The following OTUD7A variants were observed in gnomAD, a reference collection of about 807,000 sequenced individuals.
OTUD7A encodes the protein OTU deubiquitinase 7A.
In OTUD7A, 12 loss-of-function variants were observed where a neutral mutation model predicts 65.7. That is an observed-to-expected ratio of 0.18 (90% CI 0.12 to 0.30). The LOEUF (loss-of-function observed/expected upper bound fraction) is 0.30. Among genes scored for constraint, OTUD7A ranks in the 10% least tolerant of loss-of-function variants. The pLI, the probability that OTUD7A is intolerant of heterozygous loss-of-function variation, is 1.00. For missense variants in OTUD7A, 1,148 were observed against 1,304.8 expected (o/e 0.88, Z 1.85); for synonymous variants, 641 against 586.3 (o/e 1.09, Z -1.35).
At chr15:31,842,689 G>A (rs1897212472) in intron 1 of OTUD7A, among the ~76,000 whole-genome samples, 1 of 152,142 alleles carries the variant, frequency 6.6e-6, no homozygotes, top group African/African-American at 2.4e-5. Flanking sequence ...TGACTCACCT[G>A]TGATCTCCTC....
At chr15:31,824,978 C>A (rs1283790464) in intron 1 of OTUD7A, among the ~76,000 whole-genome samples, 3 of 152,156 alleles carry the variant, frequency 2.0e-5, no homozygotes, top group African/African-American at 7.2e-5. Flanking sequence ...GACAATTTGG[C>A]TAAATAGGAA....
intron 2 of OTUD7A, among the ~76,000 whole-genome samples, chr15:31,656,424 C>T (rs1891994668): frequency 6.6e-6 from 1 of 152,208 alleles, no homozygotes; most frequent in Admixed American, 6.5e-5. Context: ...CACTCATTTG[C>T]ATAGCGTCTG....
chr15:31,731,986 T>C (rs1894056972), intron 1 of OTUD7A, among the ~76,000 whole-genome samples: 1 of 152,182 alleles, frequency 6.6e-6, no homozygotes, highest in Non-Finnish European at 1.5e-5. Flanking sequence ...CCTAGTGCTT[T>C]GCGGGGAACA....
rs140667585 is a variant in OTUD7A at position 31,581,850 on chromosome 15, C to G, written c.152-11653G>C. Among the ~76,000 whole-genome samples the G allele has an allele frequency of 2.9e-3, 444 of 152,352 alleles. 3 individuals carry two copies. Among genetic ancestry groups the G allele is most frequent in the Non-Finnish European group, 4.5e-3 (307 of 68,038 alleles). ...GCAATTAAAATGTGATGCCTCATTA[C>G]TTACGGAAATTTCTGCAGCTGGCTT... On this transcript the variant is annotated intron_variant, in intron 3 of 12. Coordinates refer to ENST00000307050, the MANE Select transcript of OTUD7A (RefSeq NM_001382637.1).
At chr15:31,745,052 A>G (rs1338221304) in intron 1 of OTUD7A, among the ~76,000 whole-genome samples, 1 of 152,160 alleles carries the variant, frequency 6.6e-6, no homozygotes, top group South Asian at 2.1e-4. Flanking sequence ...ACATTAAAGA[A>G]GACCTTACAA....
At chr15:31,787,464 T>C (rs1263500222) in intron 1 of OTUD7A, 1 of 152,214 alleles carries the variant, frequency 6.6e-6, no homozygotes, top group East Asian at 1.9e-4. Flanking sequence ...GGAAATTCAG[T>C]GACCTCAAGG....
intron 5 of OTUD7A, among the ~76,000 whole-genome samples, chr15:31,541,396 A>G (rs1031496934): frequency 1.3e-5 from 2 of 152,292 alleles, no homozygotes; most frequent in Non-Finnish European, 2.9e-5. Flanking sequence ...ATGCTTATTT[A>G]TTCCTGATTT....
chr15:31,693,589 C>T (rs1595711763), intron 1 of OTUD7A, among the ~76,000 whole-genome samples: 3 of 152,194 alleles, frequency 2.0e-5, no homozygotes, highest in African/African-American at 7.2e-5. Context: ...ACACCCTTCT[C>T]AAAGCCCCCA....
At position 31,499,743 on chromosome 15, in the gene OTUD7A, C is replaced by T. The variant is rs2041438281; in HGVS notation, c.1171+1947G>A. Among the ~76,000 whole-genome samples, 4 of 152,340 alleles carry T rather than the reference C, an allele frequency of 2.6e-5. No individual in the cohort carries two copies. In the South Asian group the frequency reaches 6.2e-4, roughly 24 times the overall value. On this transcript the variant is annotated intron_variant, in intron 10 of 12. Transcript: ENST00000307050. ...GTCTTAGAGGCAGGGACCTGCATCG[C>T]CCCAGGAGGATCCCAGTGGGCTGCT...
At chr15:31,751,281 G>C (rs973175504) in intron 1 of OTUD7A, among the ~76,000 whole-genome samples, 28 of 151,122 alleles carry the variant, frequency 1.9e-4, no homozygotes, top group African/African-American at 6.7e-4. Flanking sequence ...TTCTCAAAAA[G>C]AGACATATGA....
chr15:31,631,584 G>A (rs982158109), intron 3 of OTUD7A, among the ~76,000 whole-genome samples: 5 of 152,070 alleles, frequency 3.3e-5, no homozygotes, highest in Non-Finnish European at 7.4e-5. Context: ...TGCTCTTCTC[G>A]AGGAGTATCT....
intron 1 of OTUD7A, among the ~76,000 whole-genome samples, chr15:31,797,350 T>C (rs539213833): frequency 6.6e-6 from 1 of 152,310 alleles, no homozygotes; most frequent in Admixed American, 6.5e-5. Flanking sequence ...CTTCCTTCTT[T>C]AGGTTCCATA....
Position 31,659,010 on chromosome 15 carries a change from CATGAATGA to C in OTUD7A, c.-99-1941_-99-1934del, listed in dbSNP as rs200527037. Among the ~76,000 whole-genome samples the C allele has an allele frequency of 5.8e-3, 822 of 141,436 alleles. 10 individuals are homozygous for C. The highest frequency in any genetic ancestry group is 0.02 in the African/African-American group (791 of 38,660). The allele number at this position is 141,436 out of a possible 152,430, so 92.8% of individuals were successfully genotyped here. The stretch of plus-strand genomic sequence containing the variant: ...TCGCGCCATTGCACTCCAGCCTGGG[CATGAATGA>C]ATGAATGAATGAATGAATGAATGAA... On this transcript the variant is annotated intron_variant, in intron 1 of 12. Coordinates refer to ENST00000307050, the MANE Select transcript of OTUD7A (RefSeq NM_001382637.1).
chr15:31,662,458 A>G (rs1164034509), intron 1 of OTUD7A, among the ~76,000 whole-genome samples: 1 of 152,220 alleles, frequency 6.6e-6, no homozygotes. Flanking sequence ...TCCAATATAG[A>G]GCAGTTGTTG....
chr15:31,825,315 G>C (rs28370434), intron 1 of OTUD7A, among the ~76,000 whole-genome samples: 49 of 152,200 alleles, frequency 3.2e-4, no homozygotes, highest in African/African-American at 1.0e-3. Context: ...TTATCATGGC[G>C]GAAGGCAAAG....
chr15:31,594,325 A>G (rs1216360789), intron 3 of OTUD7A, among the ~76,000 whole-genome samples: 1 of 152,232 alleles, frequency 6.6e-6, no homozygotes, highest in Non-Finnish European at 1.5e-5. Context: ...ATAAAACTAA[A>G]TCCCAAAGAC....
At chr15:31,537,187 T>C (rs546502952) in intron 5 of OTUD7A, among the ~76,000 whole-genome samples, 3 of 152,344 alleles carry the variant, frequency 2.0e-5, no homozygotes, top group South Asian at 2.1e-4. Context: ...TATTGCCTAA[T>C]GTGTTGCCAT....
chr15:31,533,166 G>A (rs886134412), intron 5 of OTUD7A, among the ~76,000 whole-genome samples: 59 of 151,742 alleles, frequency 3.9e-4, no homozygotes, highest in African/African-American at 1.4e-3. Context: ...TACTTATATG[G>A]GAAAAACAAT....
At chr15:31,508,100 T>G (rs998843085) in intron 8 of OTUD7A, among the ~76,000 whole-genome samples, 2 of 96,782 alleles carry the variant, frequency 2.1e-5, no homozygotes, top group Non-Finnish European at 2.0e-5. Context: ...TTAGTTACAT[T>G]AATAACAAGG....
Sources: gnomAD v4.1 joint callset for allele counts (sites outside exome capture counted in the v4.1 genomes callset) on GRCh38, gnomAD v4.1.1 for gene constraint, MANE v1.5 for transcripts, NCBI Gene and HGNC (gene_info 2026-07-23, HGNC 2026-07-21) for gene names.